SMURF1: variants seen among roughly 807,000 people sequenced by gnomAD.
SMURF1 encodes E3 ubiquitin-protein ligase SMURF1.
SMURF1 carries 44 observed loss-of-function variants against 98.0 expected under a neutral mutation model. That is an observed-to-expected ratio of 0.45 (90% CI 0.35 to 0.58). SMURF1 has a LOEUF of 0.58. Among genes scored for constraint, SMURF1 ranks in the 20% least tolerant of loss-of-function variants. The pLI is 0.00. For synonymous variants in SMURF1, 396 were observed against 374.9 expected, an observed-to-expected ratio of 1.06 and a Z score of -0.65; for missense variants, 687 against 938.4, an observed-to-expected ratio of 0.73 and a Z score of 3.50.
At chr7:99,063,747 T>G (rs1796122117) in intron 1 of SMURF1, among the ~76,000 whole-genome samples, 1 of 151,346 alleles carries the variant, frequency 6.6e-6, no homozygotes, top group Admixed American at 6.6e-5. Context: ...ACTAACAATC[T>G]TAAACACATT....
chr7:99,140,724 T>C (rs564851607), intron 1 of SMURF1, among the ~76,000 whole-genome samples: 1 of 152,272 alleles, frequency 6.6e-6, no homozygotes, highest in South Asian at 2.1e-4. Context: ...CCATCTTCAC[T>C]ATCTTTGCAC....
chr7:99,113,347 T>C (rs946445873), intron 1 of SMURF1, among the ~76,000 whole-genome samples: 2 of 152,112 alleles, frequency 1.3e-5, no homozygotes, highest in East Asian at 1.9e-4. Context: ...TCAGAAACCA[T>C]AGAGCCAAAG....
intron 1 of SMURF1, chr7:99,081,097 G>A (rs1333019028): frequency 1.3e-5 from 2 of 152,358 alleles, no homozygotes; most frequent in Non-Finnish European, 2.9e-5. Context: ...TCCGGGAGTG[G>A]AGAAGGATGG....
intron 1 of SMURF1, among the ~76,000 whole-genome samples, chr7:99,075,628 T>TG (rs1473105301): frequency 8.5e-4 from 125 of 147,084 alleles, no homozygotes; most frequent in African/African-American, 2.9e-3. Context: ...GGGATTGATG[T>TG]GGGGAAAAAA....
chr7:99,064,464 C>G (rs1796138945), intron 1 of SMURF1, among the ~76,000 whole-genome samples: 1 of 152,152 alleles, frequency 6.6e-6, no homozygotes, highest in African/African-American at 2.4e-5. Context: ...TTTTATAGAC[C>G]TAGTCAGATT....
chr7:99,038,573 C>A, intron 13 of SMURF1, 48 bp from the exon 14 acceptor site: 1 of 1,593,100 alleles, frequency 6.3e-7, no homozygotes, highest in Non-Finnish European at 8.6e-7. Flanking sequence ...TGCCACCACG[C>A]GGGGCCATTG....
At chr7:99,037,554 A>C (rs1340222149) in intron 14 of SMURF1, among the ~76,000 whole-genome samples, 1 of 152,202 alleles carries the variant, frequency 6.6e-6, no homozygotes, top group African/African-American at 2.4e-5. Context: ...GCAGGTTCTG[A>C]TATCACAGTC....
intron 6 of SMURF1, among the ~76,000 whole-genome samples, chr7:99,053,798 C>A (rs1045809515): frequency 6.6e-6 from 1 of 152,144 alleles, no homozygotes; most frequent in East Asian, 1.9e-4. Flanking sequence ...TGGGGGACTG[C>A]AAAATTGTGA....
chr7:99,083,818 A>C (rs1251004213), intron 1 of SMURF1, among the ~76,000 whole-genome samples: 1 of 152,180 alleles, frequency 6.6e-6, no homozygotes, highest in Non-Finnish European at 1.5e-5. Flanking sequence ...CAGGACATGG[A>C]AATGTTTACT....
chr7:99,057,605 G>GTTT lies in SMURF1; in HGVS notation c.204-57_204-55dup, dbSNP rs548576398. 5.8e-4 allele frequency: 640 copies of GTTT among 1,103,902 alleles called. 3 individuals carry two copies. In the African/African-American group the frequency reaches 0.013, roughly 22 times the overall value. The allele number at this position is 1,103,902 out of a possible 1,614,324, so 68.4% of individuals were successfully genotyped here. ...AATTGTGTTTGGTTTTTTTTGTTTT[G>GTTT]TTTTTTTTTTTTTTTGAGATAGAAT... On this transcript the variant is annotated intron_variant, in intron 3 of 17. Coordinates refer to ENST00000361368, the MANE Select transcript of SMURF1 (RefSeq NM_181349.3).
intron 1 of SMURF1, among the ~76,000 whole-genome samples, chr7:99,071,366 G>A (rs575779394): frequency 5.9e-5 from 9 of 152,206 alleles, no homozygotes; most frequent in East Asian, 1.9e-4. Context: ...GGCCAAAAAC[G>A]GGACACGGAA....
intron 1 of SMURF1, among the ~76,000 whole-genome samples, chr7:99,064,554 A>G (rs1013641179): frequency 6.6e-6 from 1 of 152,204 alleles, no homozygotes; most frequent in Non-Finnish European, 1.5e-5. Context: ...TCATAAGTCT[A>G]TTCAGATTTT....
intron 1 of SMURF1, among the ~76,000 whole-genome samples, chr7:99,085,334 C>T (rs960261067): frequency 5.6e-5 from 6 of 106,624 alleles, no homozygotes; most frequent in African/African-American, 1.8e-4. Context: ...GCCTGGGTGA[C>T]AAGAGTGAAA....
chr7:99,038,964 C>T (rs1333454889), intron 13 of SMURF1, among the ~76,000 whole-genome samples: 12 of 151,888 alleles, frequency 7.9e-5, no homozygotes, highest in African/African-American at 1.7e-4. Context: ...GATACCGAGG[C>T]GGGTGGATTA....
intron 1 of SMURF1, among the ~76,000 whole-genome samples, chr7:99,133,305 G>A (rs1797913538): frequency 6.6e-6 from 1 of 151,918 alleles, no homozygotes; most frequent in Non-Finnish European, 1.5e-5. Context: ...CTAAAATTGG[G>A]GGAGGCTGAG....
At chr7:99,052,879 CATG>C (rs1011214896) in intron 6 of SMURF1, among the ~76,000 whole-genome samples, 1 of 152,128 alleles carries the variant, frequency 6.6e-6, no homozygotes, top group Non-Finnish European at 1.5e-5. Context: ...GCCTGGCCAA[CATG>C]ATGAAACCGC....
At chr7:99,117,174 A>AC (rs953789790) in intron 1 of SMURF1, among the ~76,000 whole-genome samples, 2 of 152,098 alleles carry the variant, frequency 1.3e-5, no homozygotes, top group African/African-American at 2.4e-5. Flanking sequence ...ATAAATCTGG[A>AC]CCCCCCTATG....
chr7:99,104,504 C>T (rs1323138910), intron 1 of SMURF1, among the ~76,000 whole-genome samples: 1 of 152,122 alleles, frequency 6.6e-6, no homozygotes, highest in Non-Finnish European at 1.5e-5. Context: ...GTCAAAATCT[C>T]TATGCATCAT....
chr7:99,076,922 T>C (rs1253788823), intron 1 of SMURF1, among the ~76,000 whole-genome samples: 2 of 151,930 alleles, frequency 1.3e-5, no homozygotes, highest in East Asian at 3.9e-4. Context: ...AGGGGTAACA[T>C]GGGAACTGTC....
Sources: gnomAD v4.1 joint callset for allele counts (sites outside exome capture counted in the v4.1 genomes callset) on GRCh38, gnomAD v4.1.1 for gene constraint, MANE v1.5 for transcripts, NCBI Gene and HGNC (gene_info 2026-07-23, HGNC 2026-07-21) for gene names.